Variants in ZSCAN5A observed in about 807,000 individuals in gnomAD.
ZSCAN5A encodes the protein zinc finger and SCAN domain-containing protein 5A.
In ZSCAN5A, 12 loss-of-function variants were observed where a neutral mutation model predicts 23.7. The observed-to-expected ratio is 0.51, with a 90% CI of 0.32 to 0.82. The LOEUF (loss-of-function observed/expected upper bound fraction) is 0.82. Ranked by LOEUF, ZSCAN5A falls within the 40% of genes least tolerant of loss-of-function variation. The pLI is 0.03. For synonymous variants in ZSCAN5A, 257 were observed against 239.9 expected (o/e 1.07, Z -0.66); for missense variants, 597 against 617.9 (o/e 0.97, Z 0.36).
At chr19:56,223,982 C>A in intron 3 of ZSCAN5A, 148 bp from the exon 4 acceptor site, 1 of 753,208 alleles carries the variant, frequency 1.3e-6, no homozygotes, top group Non-Finnish European at 2.1e-6. Context: ...GTGGACACAG[C>A]AATCCTGTCT....
chr19:56,281,546 T>C (rs1008901904), intron 2 of ZSCAN5A: 3 of 269,454 alleles, frequency 1.1e-5, no homozygotes, highest in Non-Finnish European at 1.7e-5. Flanking sequence ...GCACTCCATA[T>C]AACAACAGGC....
rs149425471 is a variant in ZSCAN5A, at chr19:56,224,977, G to A, written c.70C>T (p.Arg24Trp). 53 of 1,614,160 alleles carry A rather than the reference G, an allele frequency of 3.3e-5. 1 individual carries two copies. Among genetic ancestry groups the A allele is most frequent in the Middle Eastern group, 1.6e-4 (1 of 6,062 alleles). Residue 24 changes from arginine (R) to tryptophan (W), a missense_variant, in exon 3 of 6, where the codon CGG (arginine) becomes TGG (tryptophan). Around this residue, in one of 5 missense-constraint regions of ZSCAN5A, gnomAD observed 72 missense variants for 76.8 expected, o/e 0.94. Transcript: ENST00000683990. ...TGAGTTTCTGAGGATGCCATAGACC[G>A]TGGCAGCTCCAACCCAGGTCTGTTG... The part of the protein sequence containing the change: ...SCNRPGLELP[R>W]SMASSETQLG...
intron 2 of ZSCAN5A, among the ~76,000 whole-genome samples, chr19:56,238,078 A>G (rs1410218627): frequency 6.5e-5 from 3 of 46,448 alleles, no homozygotes; most frequent in Admixed American, 1.9e-4. Context: ...AGACACACAC[A>G]GAGACACACC....
chr19:56,327,680 A>G (rs1159013217), intron 2 of ZSCAN5A, among the ~76,000 whole-genome samples: 1 of 151,486 alleles, frequency 6.6e-6, no homozygotes, highest in African/African-American at 2.4e-5. Context: ...AATGTATTTT[A>G]TGTATTCTAT....
intron 2 of ZSCAN5A, among the ~76,000 whole-genome samples, chr19:56,269,149 G>GAC (rs2037669660): frequency 6.6e-6 from 1 of 152,078 alleles, no homozygotes. Flanking sequence ...ACCTAGGAGT[G>GAC]GACTTTCAGG....
chr19:56,227,890 C>CAA (rs112049651), intron 2 of ZSCAN5A, among the ~76,000 whole-genome samples: 26 of 147,594 alleles, frequency 1.8e-4, no homozygotes, highest in African/African-American at 6.2e-4. Flanking sequence ...CCCATCTCTG[C>CAA]AAAAAAAAAA....
In ZSCAN5A at chr19:56,334,528, A is replaced by C. The variant is rs1010834306; in HGVS notation, c.-357-18260T>G. Among the ~76,000 whole-genome samples, 4 of 152,216 alleles carry C rather than the reference A, an allele frequency of 2.6e-5. No individual in the cohort carries two copies. The South Asian group carries it at 8.3e-4, about 32-fold the overall frequency. On this transcript the variant is annotated intron_variant, in intron 2 of 6. Coordinates refer to the ZSCAN5A transcript ENST00000587340. Reference sequence around the variant, plus strand: ...TATGGGTTACATGAAATATTTTGATATAAGCATGCAATGCATAATAATCAC... The same window carrying C: ...TATGGGTTACATGAAATATTTTGATCTAAGCATGCAATGCATAATAATCAC...
rs369869219 is a variant in ZSCAN5A, at chr19:56,223,617, C to A, written c.588+14G>T. On this transcript the variant is annotated intron_variant, in intron 4 of 5. Transcript: ENST00000683990. Reference sequence around the variant, plus strand: ...TCCCACCTCTGCCCAGACACCAAGGCCTCACACACTCACCTGCCTCCTGGA... The same window carrying A: ...TCCCACCTCTGCCCAGACACCAAGGACTCACACACTCACCTGCCTCCTGGA... 1.7e-5 allele frequency: 28 copies of A among 1,613,068 alleles called. No homozygotes were observed. The East Asian group carries it at 5.8e-4, about 33-fold the overall frequency.
chr19:56,327,519 A>G (rs2041445849), intron 2 of ZSCAN5A, among the ~76,000 whole-genome samples: 1 of 150,736 alleles, frequency 6.6e-6, no homozygotes, highest in Admixed American at 6.6e-5. Flanking sequence ...TATACCATAT[A>G]AGTCATACAC....
At chr19:56,363,850 G>T (rs937491645) in intron 1 of ZSCAN5A, among the ~76,000 whole-genome samples, 1 of 152,206 alleles carries the variant, frequency 6.6e-6, no homozygotes, top group African/African-American at 2.4e-5. Context: ...ATGACCTAAG[G>T]TTGGAAATTA....
chr19:56,305,644 C>T (rs1169236588), intron 2 of ZSCAN5A, among the ~76,000 whole-genome samples: 2 of 152,174 alleles, frequency 1.3e-5, no homozygotes, highest in African/African-American at 4.8e-5. Flanking sequence ...CCCACTGATG[C>T]ATCCTGGATG....
At chr19:56,343,394 T>C (rs2041609570) in intron 2 of ZSCAN5A, 2 of 543,072 alleles carry the variant, frequency 3.7e-6, no homozygotes, top group African/African-American at 3.8e-5. Flanking sequence ...ATAAGTGCCA[T>C]GCAGCAATTT....
intron 2 of ZSCAN5A, among the ~76,000 whole-genome samples, chr19:56,326,446 A>T (rs1407288474): frequency 6.6e-6 from 1 of 151,914 alleles, no homozygotes; most frequent in Non-Finnish European, 1.5e-5. Flanking sequence ...TTATAGCTGA[A>T]AGTTTCTGCC....
At chr19:56,262,308 C>T (rs1047449338) in intron 2 of ZSCAN5A, among the ~76,000 whole-genome samples, 15 of 150,878 alleles carry the variant, frequency 9.9e-5, no homozygotes, top group Admixed American at 7.9e-4. Flanking sequence ...CATGAGCCAC[C>T]GTGCCCGGCC....
At chr19:56,321,942 T>C in intron 2 of ZSCAN5A, 1 of 780,954 alleles carries the variant, frequency 1.3e-6, no homozygotes, top group South Asian at 1.3e-5. Context: ...ATCATGGCCT[T>C]CTGAAGATAT....
chr19:56,262,613 G>A (rs1291800152), intron 2 of ZSCAN5A, among the ~76,000 whole-genome samples: 1 of 151,596 alleles, frequency 6.6e-6, no homozygotes, highest in African/African-American at 2.4e-5. Context: ...TGTGTCTTTA[G>A]TAGAGACGGG....
chr19:56,359,068 C>G (rs1223890312), intron 2 of ZSCAN5A, among the ~76,000 whole-genome samples: 1 of 151,010 alleles, frequency 6.6e-6, no homozygotes, highest in African/African-American at 2.4e-5. Context: ...AAGGAATAAC[C>G]AAGCACAGAG....
intron 2 of ZSCAN5A, among the ~76,000 whole-genome samples, chr19:56,234,540 C>G (rs1274703810): frequency 6.6e-6 from 1 of 152,062 alleles, no homozygotes; most frequent in Admixed American, 6.5e-5. Flanking sequence ...ACAGGCAGCC[C>G]GGCGCCAGGC....
At chr19:56,268,939 T>C (rs1391929400) in intron 2 of ZSCAN5A, among the ~76,000 whole-genome samples, 1 of 152,240 alleles carries the variant, frequency 6.6e-6, no homozygotes, top group East Asian at 1.9e-4. Flanking sequence ...GGTTCACCCA[T>C]GTTCTAGCAT....
Sources: gnomAD v4.1 joint callset for allele counts (sites outside exome capture counted in the v4.1 genomes callset) on GRCh38, gnomAD v4.1.1 for gene constraint, gnomAD v4.1.1 regional missense constraint, MANE v1.5 for transcripts, NCBI Gene and HGNC (gene_info 2026-07-23, HGNC 2026-07-21) for gene names.